IAH1: variants seen among roughly 807,000 people sequenced by gnomAD.
The protein encoded by IAH1 is isoamyl acetate-hydrolyzing esterase 1 homolog.
IAH1 carries 24 observed loss-of-function variants against 26.7 expected under a neutral mutation model. The ratio of observed to expected loss-of-function variants is 0.90; its 90% CI spans 0.65 to 1.26. The LOEUF is 1.26. IAH1 is among the 50% of genes most tolerant of loss of function. The pLI is 0.00. For synonymous variants in IAH1, 140 were observed against 118.5 expected, an observed-to-expected ratio of 1.18 and a Z score of -1.18; for missense variants, 300 against 299.9, an observed-to-expected ratio of 1.00 and a Z score of 0.00.
intron 1 of IAH1, chr2:9,475,220 T>C (rs1682413545): frequency 7.8e-7 from 1 of 1,288,350 alleles, no homozygotes; most frequent in African/African-American, 1.5e-5. Flanking sequence ...AAATGCAGGT[T>C]CTTACTTCGG....
At chr2:9,490,631 A>C (rs1662055616), downstream of IAH1, 1 of 1,163,194 alleles carries the variant, frequency 8.6e-7, no homozygotes, top group East Asian at 2.6e-5. Flanking sequence ...CTGTGATGCT[A>C]AGAAAAAAGT....
At chr2:9,494,574 G>A (rs1662415764), downstream of IAH1, 1 of 1,584,730 alleles carries the variant, frequency 6.3e-7, no homozygotes. Context: ...GCAAAATCAA[G>A]TACTTACAAA....
chr2:9,509,788 A>G, the IAH1 span, among the ~76,000 whole-genome samples: 4 of 152,192 alleles, frequency 2.6e-5, no homozygotes, highest in African/African-American at 9.7e-5. Flanking sequence ...AGTCCAAATG[A>G]TAGTTTTAAC....
In IAH1 at chr2:9,494,757, G is replaced by GT. The variant is rs1662434135; in HGVS notation, c.*121dup. 6.2e-7 allele frequency: 1 copy of GT among 1,613,968 alleles called. No homozygotes were observed. The highest frequency in any genetic ancestry group is 8.5e-7 in the Non-Finnish European group (1 of 1,179,910). Reference sequence around the variant, plus strand: ...GGTCCCTGCAGCACACCTTGCAGGAGTTGTCAGTTTCTGGAACAGAGAACA... The same window carrying GT: ...GGTCCCTGCAGCACACCTTGCAGGAGTTTGTCAGTTTCTGGAACAGAGAACA... On this transcript the variant is annotated 3_prime_UTR_variant, in exon 6 of 7. Coordinates refer to the IAH1 transcript ENST00000481367.
chr2:9,509,326 C>G, the IAH1 span, among the ~76,000 whole-genome samples: 4 of 152,222 alleles, frequency 2.6e-5, no homozygotes, highest in Admixed American at 2.0e-4. Context: ...TTAGTTCAGA[C>G]TCTAAGAGTT....
At chr2:9,499,058 G>A (rs541376116), downstream of IAH1, among the ~76,000 whole-genome samples, 13 of 151,790 alleles carry the variant, frequency 8.6e-5, no homozygotes, top group African/African-American at 3.1e-4. Context: ...TAAGCTCCCA[G>A]GTGATGCTGC....
At chr2:9,505,437 T>C in the IAH1 span, 3 of 1,459,084 alleles carry the variant, frequency 2.1e-6, no homozygotes, top group Admixed American at 5.2e-5. Context: ...TGTTTGTGTC[T>C]TCTCTAGAGA....
At chr2:9,499,192 C>A (rs11690126), downstream of IAH1, among the ~76,000 whole-genome samples, 13,527 of 147,476 alleles carry the variant, frequency 0.092, 695 homozygotes, top group African/African-American at 0.14. Context: ...AGGAACTTAT[C>A]CTCTGCTATC....
downstream of IAH1, among the ~76,000 whole-genome samples, chr2:9,498,812 A>T (rs1662806400): frequency 6.6e-6 from 1 of 152,238 alleles, no homozygotes. Context: ...CTGATACATT[A>T]AAAAATGCTC....
downstream of IAH1, chr2:9,490,423 A>AG: frequency 6.2e-7 from 1 of 1,614,160 alleles, no homozygotes; most frequent in Non-Finnish European, 8.5e-7. Flanking sequence ...AAGGGATCAC[A>AG]GGGGCAGGCT....
At chr2:9,485,875 A>G (rs17524425) in intron 5 of IAH1, 28,309 of 152,230 alleles carry the variant, frequency 0.19, 2,768 homozygotes, top group Middle Eastern at 0.29. Flanking sequence ...GCTGGGATCC[A>G]GAGAGAAAGC....
downstream of IAH1, chr2:9,490,292 GTGC>G (rs1553355613): frequency 3.7e-6 from 6 of 1,614,086 alleles, no homozygotes; most frequent in South Asian, 2.2e-5. Flanking sequence ...CTTGGCAGCT[GTGC>G]TGCTATTTGG....
downstream of IAH1, chr2:9,493,971 G>A (rs883399): frequency 0.52 from 318,590 of 611,270 alleles, 89,139 homozygotes; most frequent in Middle Eastern, 0.64. Context: ...TAACTTCCGC[G>A]TAATGAGTAC....
downstream of IAH1, chr2:9,492,840 G>T: frequency 6.9e-7 from 1 of 1,439,452 alleles, no homozygotes; most frequent in Non-Finnish European, 9.5e-7. Flanking sequence ...AGATTACATG[G>T]TTGGAGTTGA....
chr2:9,477,242 G>A (rs1169763996), intron 2 of IAH1, among the ~76,000 whole-genome samples: 12 of 152,094 alleles, frequency 7.9e-5, no homozygotes, highest in Admixed American at 5.9e-4. Context: ...GCTGCCTGAC[G>A]CTGTGGCCTG....
At position 9,477,362 on chromosome 2, in the gene IAH1, G is replaced by A. The variant is rs148366402; in HGVS notation, c.135-860G>A. Among the ~76,000 whole-genome samples the A allele has an allele frequency of 2.4e-3, 361 of 152,212 alleles. 6 individuals are homozygous for A. The East Asian group carries it at 0.033, about 14-fold the overall frequency. On this transcript the variant is annotated intron_variant, in intron 2 of 5. Transcript: ENST00000497473. ...ACTAATCATAAGTTGAACCCCAGGC[G>A]TCATTTTAAGAAAACTTTATGGACA...
At chr2:9,489,725 C>CAAAAAAA (rs548548539) in exon 6 of IAH1, 1 of 78,306 alleles carries the variant, frequency 1.3e-5, no homozygotes, top group Non-Finnish European at 2.3e-5. Context: ...TAGTTGAAGG[C>CAAAAAAA]AAAAAAAAAA....
At chr2:9,505,351 G>C in the IAH1 span, 1 of 1,613,904 alleles carries the variant, frequency 6.2e-7, no homozygotes, top group Non-Finnish European at 8.5e-7. Context: ...ATTGTTTACT[G>C]CAGTTTGAAA....
intron 1 of IAH1, chr2:9,475,127 TA>T: frequency 7.8e-7 from 1 of 1,277,096 alleles, no homozygotes; most frequent in East Asian, 5.7e-5. Context: ...ACCTTGGAAG[TA>T]AAACGCCTTC....
Sources: gnomAD v4.1 joint callset for allele counts (sites outside exome capture counted in the v4.1 genomes callset) on GRCh38, gnomAD v4.1.1 for gene constraint, MANE v1.5 for transcripts, NCBI Gene and HGNC (gene_info 2026-07-23, HGNC 2026-07-21) for gene names.